The following ZNF574 variants were observed in gnomAD, a reference collection of about 807,000 sequenced individuals.
ZNF574 encodes the protein zinc finger protein 574.
Under a neutral mutation model 56.6 loss-of-function variants are expected in ZNF574, and 25 were observed. That is an observed-to-expected ratio of 0.44 (90% confidence interval 0.32 to 0.62). The LOEUF (loss-of-function observed/expected upper bound fraction) is 0.62. Ranked by LOEUF, ZNF574 falls within the 20% of genes least tolerant of loss-of-function variation. ZNF574 has a pLI of 0.04. For missense variants in ZNF574, 1,065 were observed against 1,218.9 expected, an observed-to-expected ratio of 0.87 and a Z score of 1.88; for synonymous variants, 543 against 492.1, an observed-to-expected ratio of 1.10 and a Z score of -1.37.
At position 42,081,060 on chromosome 19, in the gene ZNF574, C is replaced by T. The variant is rs61743360; in HGVS notation, c.2454C>T (p.Gly818=). Residue 818 remains glycine, a synonymous_variant, in exon 2 of 2, where the codon GGC becomes GGT. Coordinates refer to ENST00000359044, the MANE Select transcript of ZNF574 (RefSeq NM_022752.6). ...RLAEHRRIHT[G]ERPYSCPDCG... ...CAGAACATCGCCGCATCCACACAGG[C>T]GAACGACCCTACTCCTGCCCTGACT... 2.7e-5 allele frequency: 44 copies of T among 1,614,168 alleles called. No individual in the cohort carries two copies. The East Asian group carries it at 5.1e-4, about 19-fold the overall frequency.
rs1248077681 is a variant in ZNF574 at position 42,079,364 on chromosome 19, T to C, written c.758T>C (p.Val253Ala). The change falls in exon 2 of 2, where the codon GTG (valine) becomes GCG (alanine). Residue 253 changes from valine (V) to alanine (A), a missense_variant. Coordinates refer to ENST00000359044, the MANE Select transcript of ZNF574 (RefSeq NM_022752.6). The surrounding 1 kb of genome is among the most constrained non-coding windows in gnomAD (Gnocchi z 4.3). ...ESQEPALQQE[V>A]QASSPAEVPV... is the part of the protein sequence containing the mutation. ...CAGGAGCCTGCCTTACAGCAGGAGGTGCAGGCCTCGTCACCTGCAGAGGTG... is the reference window on the plus strand; with the variant it reads ...CAGGAGCCTGCCTTACAGCAGGAGGCGCAGGCCTCGTCACCTGCAGAGGTG... 6.2e-7 allele frequency: 1 copy of C among 1,613,614 alleles called. No individual in the cohort carries two copies. Among genetic ancestry groups the C allele is most frequent in the East Asian group, 2.2e-5 (1 of 44,864 alleles).
chr19:42,072,236 CTTT>C (rs1200141888), upstream of ZNF574, among the ~76,000 whole-genome samples: 8 of 135,162 alleles, frequency 5.9e-5, no homozygotes, highest in East Asian at 2.1e-4. Context: ...TTTTCCTTTT[CTTT>C]TTTTTTTTTT....
chr19:42,079,545 C>CTGTGGG lies in ZNF574; in HGVS notation c.943_944insGGTGTG (p.Cys314_Asp315insGlyCys). Reference sequence around the variant, plus strand: ...CCACACAGGAGCTCTTCTGCTCAGCCTGTGACCAGCTCTTTCTCTCACCCC... The same window carrying CTGTGGG: ...CCACACAGGAGCTCTTCTGCTCAGCCTGTGGGTGTGACCAGCTCTTTCTCTCACCCC... On this transcript the variant is annotated inframe_insertion, in exon 2 of 2. Coordinates refer to ENST00000359044, the MANE Select transcript of ZNF574 (RefSeq NM_022752.6). This position sits in a 1 kb window ranked among gnomAD's most constrained non-coding sequence, Gnocchi z 4.3. The CTGTGGG allele has an allele frequency of 6.2e-7, 1 of 1,614,078 alleles. No homozygotes were observed. Among genetic ancestry groups the CTGTGGG allele is most frequent in the Non-Finnish European group, 8.5e-7 (1 of 1,180,032 alleles).
At position 42,081,138 on chromosome 19, in the gene ZNF574, T is replaced by G. The variant is rs1447511140; in HGVS notation, c.2532T>G (p.His844Gln). 1.2e-6 allele frequency: 2 copies of G among 1,614,110 alleles called. No homozygotes were observed. Among genetic ancestry groups the G allele is most frequent in the Non-Finnish European group, 1.7e-6 (2 of 1,180,040 alleles). ...FSNLWKHRKT[H>Q]QQQHQAAVRQ... ...ACCTCTGGAAGCACCGCAAGACCCA[T>G]CAGCAGCAGCATCAGGCAGCTGTGC... The change falls in exon 2 of 2, where the codon CAT becomes CAG. Residue 844 changes from histidine to glutamine, a missense_variant. Transcript: ENST00000359044.
Position 42,078,924 on chromosome 19 carries a change from G to C in ZNF574, c.318G>C (p.Glu106Asp). The C allele has an allele frequency of 6.2e-7, 1 of 1,614,032 alleles. No homozygotes were observed. The highest frequency in any genetic ancestry group is 8.5e-7 in the Non-Finnish European group (1 of 1,179,948). ...ACCTGAAGATGATGGCACCCCAGGAGGCAGTGCCAGCTGAGCCATCACCTA... is the reference window on the plus strand; with the variant it reads ...ACCTGAAGATGATGGCACCCCAGGACGCAGTGCCAGCTGAGCCATCACCTA... ...ELHLKMMAPQ[E>D]AVPAEPSPKA... is the part of the protein sequence containing the mutation. The change falls in exon 2 of 2, where the codon GAG becomes GAC. Residue 106 changes from glutamate (E) to aspartate (D), a missense_variant. By Grantham distance (45) the Glu-to-Asp change is conservative. Coordinates refer to ENST00000359044, the MANE Select transcript of ZNF574 (RefSeq NM_022752.6).
At position 42,081,485 on chromosome 19, in the gene ZNF574, C is replaced by G. The variant is rs2076502299; in HGVS notation, c.*188C>G. 7.0e-6 allele frequency: 5 copies of G among 713,438 alleles called. 1 individual carries two copies. The South Asian group carries it at 8.9e-5, about 13-fold the overall frequency. 44.2% of individuals were successfully genotyped at this position (713,438 alleles called of 1,614,324 possible). On this transcript the variant is annotated 3_prime_UTR_variant, in exon 2 of 2. Coordinates refer to ENST00000359044, the MANE Select transcript of ZNF574 (RefSeq NM_022752.6). Reference sequence around the variant, plus strand: ...CCTTGACACACATAAAGGTGCCCCCCCACCTTCCACCTCTTAGCACTGGTG... The same window carrying G: ...CCTTGACACACATAAAGGTGCCCCCGCACCTTCCACCTCTTAGCACTGGTG...
upstream of ZNF574, among the ~76,000 whole-genome samples, chr19:42,072,265 C>T (rs187667018): frequency 8.1e-5 from 11 of 136,450 alleles, no homozygotes; most frequent in Non-Finnish European, 1.5e-4. Context: ...GATGGAGTCT[C>T]GCTCTGTTGT....
chr19:42,076,639 A>C (rs2076457952), intron 1 of ZNF574, among the ~76,000 whole-genome samples: 3 of 152,208 alleles, frequency 2.0e-5, no homozygotes, highest in Non-Finnish European at 4.4e-5. Flanking sequence ...TGGCAAGTCC[A>C]GGACGAAGGG....
In ZNF574 at chr19:42,081,486, C is replaced by A. The variant is rs955245265; in HGVS notation, c.*189C>A. ...CTTGACACACATAAAGGTGCCCCCC[C>A]ACCTTCCACCTCTTAGCACTGGTGA... On this transcript the variant is annotated 3_prime_UTR_variant, in exon 2 of 2. Coordinates refer to ENST00000359044, the MANE Select transcript of ZNF574 (RefSeq NM_022752.6). The A allele has an allele frequency of 3.5e-5, 25 of 714,664 alleles. No individual in the cohort carries two copies. Among genetic ancestry groups the A allele is most frequent in the African/African-American group, 5.3e-5 (3 of 56,410 alleles). 44.3% of individuals were successfully genotyped at this position (714,664 alleles called of 1,614,324 possible).
chr19:42,069,961 AG>A (rs377219748), intron 1 of ZNF574, among the ~76,000 whole-genome samples: 151 of 151,866 alleles, frequency 9.9e-4, no homozygotes, highest in African/African-American at 3.5e-3. Flanking sequence ...AGGAGGATGG[AG>A]AGGAGCAGGT....
In ZNF574 at chr19:42,078,893, A is replaced by G; in HGVS notation, c.287A>G (p.Glu96Gly). 1 of 1,613,560 alleles carries G rather than the reference A, an allele frequency of 6.2e-7. No individual in the cohort carries two copies. The highest frequency in any genetic ancestry group is 8.5e-7 in the Non-Finnish European group (1 of 1,179,836). Residue 96 changes from glutamate (E) to glycine (G), a missense_variant, in exon 2 of 2, where the codon GAG (glutamate) becomes GGG (glycine). Coordinates refer to ENST00000359044, the MANE Select transcript of ZNF574 (RefSeq NM_022752.6). Reference sequence around the variant, plus strand: ...CCCAGCCAGCTCCTGGAGCACCAGGAGCTGCACCTGAAGATGATGGCACCC... The same window carrying G: ...CCCAGCCAGCTCCTGGAGCACCAGGGGCTGCACCTGAAGATGATGGCACCC... ...MSPSQLLEHQ[E>G]LHLKMMAPQE...
intron 1 of ZNF574, 141 bp downstream of exon 1, chr19:42,076,427 C>T (rs2076456220): frequency 6.6e-6 from 1 of 151,882 alleles, no homozygotes; most frequent in Non-Finnish European, 1.5e-5. Context: ...AACGGCCGAC[C>T]CGGCGCGCGG....
chr19:42,076,289 G>T lies in ZNF574; in HGVS notation c.-21+3G>T, dbSNP rs952981030. ...GGCGTGCGAGACGGCGGAAGCAGGT[G>T]AGCGCGAGCGGGCGCGCAGAGGCCG... On this transcript the variant is annotated splice_donor_region_variant and intron_variant, in intron 1 of 1. Transcript: ENST00000359044. The T allele has an allele frequency of 6.6e-6, 1 of 152,150 alleles. No individual in the cohort carries two copies. The highest frequency in any genetic ancestry group is 1.5e-5 in the Non-Finnish European group (1 of 68,050). The allele number at this position is 152,150 out of a possible 1,614,324, so 9.4% of individuals were successfully genotyped here.
At position 42,068,619 on chromosome 19, in the gene ZNF574, AAG is replaced by A. The variant is rs577303763; in HGVS notation, c.-89_-88del. ...CAGGTGAGCGGAGGCACAGAATAGAAAGAGAAATGGAAAGAGACCTGCCGAGG... is the reference window on the plus strand; with the variant it reads ...CAGGTGAGCGGAGGCACAGAATAGAAAGAAATGGAAAGAGACCTGCCGAGG... On this transcript the variant is annotated 5_prime_UTR_variant, in exon 1 of 2. Transcript: ENST00000222339. The A allele has an allele frequency of 5.9e-4, 249 of 424,644 alleles. 1 individual carries two copies. The highest frequency in any genetic ancestry group is 3.7e-3 in the Middle Eastern group (10 of 2,676). 26.3% of individuals were successfully genotyped at this position (424,644 alleles called of 1,614,324 possible). A position where few individuals can be genotyped will look rare whatever the true frequency, so the allele number is the denominator to read the frequency against.
At chr19:42,076,031 G>A (rs1246154425), upstream of ZNF574, 3 of 152,322 alleles carry the variant, frequency 2.0e-5, no homozygotes, top group African/African-American at 7.2e-5. Context: ...CTCACTATTG[G>A]CCCAAGCCTC....
At position 42,068,512 on chromosome 19, in the gene ZNF574, A is replaced by C. The variant is rs1422491809; in HGVS notation, c.-200A>C. On this transcript the variant is annotated 5_prime_UTR_variant, in exon 1 of 2. Coordinates refer to the ZNF574 transcript ENST00000222339. ...GGAGGGACTGAGGAGCCGGGCACCC[A>C]GAGTGGATCTGGGGGAAAGAGGTGG... 11 of 386,014 alleles carry C rather than the reference A, an allele frequency of 2.8e-5. 1 individual carries two copies. The highest frequency in any genetic ancestry group is 5.0e-5 in the Non-Finnish European group (11 of 218,096). 23.9% of individuals were successfully genotyped at this position (386,014 alleles called of 1,614,324 possible).
intron 1 of ZNF574, among the ~76,000 whole-genome samples, chr19:42,070,204 A>G (rs988138312): frequency 3.1e-4 from 47 of 151,388 alleles, no homozygotes; most frequent in African/African-American, 1.1e-3. Flanking sequence ...CCTGGAGCGC[A>G]GTGGGGTGGT....
chr19:42,079,822 T>C lies in ZNF574; in HGVS notation c.1216T>C (p.Phe406Leu). ...GAAGACCTTTGTCAACCTTACCAAG[T>C]TCCTTTATCACCGGCGTACTCATGG... ...CGKTFVNLTK[F>L]LYHRRTHGVG... is the part of the protein sequence containing the mutation. Residue 406 changes from phenylalanine to leucine, a missense_variant, in exon 2 of 2, where the codon TTC becomes CTC. Phe to Leu is a conservative substitution (Grantham distance 22). Transcript: ENST00000359044. The surrounding 1 kb of genome is among the most constrained non-coding windows in gnomAD (Gnocchi z 4.3). 1.2e-6 allele frequency: 2 copies of C among 1,614,096 alleles called. No homozygotes were observed. The highest frequency in any genetic ancestry group is 1.7e-6 in the Non-Finnish European group (2 of 1,180,004).
In ZNF574 at chr19:42,080,049, G is replaced by C; in HGVS notation, c.1443G>C (p.Leu481=). The part of the protein sequence containing the change: ...CSREFGKALQ[L]TRHQRFVHRL... The stretch of plus-strand genomic sequence containing the variant: ...GTGAATTTGGAAAGGCCTTGCAGCT[G>C]ACCCGGCACCAACGTTTTGTGCATC... The change falls in exon 2 of 2, where the codon CTG becomes CTC. Residue 481 remains leucine (L), a synonymous_variant. Transcript: ENST00000359044. The surrounding 1 kb of genome is among the most constrained non-coding windows in gnomAD (Gnocchi z 8.5). The C allele has an allele frequency of 6.2e-7, 1 of 1,614,138 alleles. No homozygotes were observed. Among genetic ancestry groups the C allele is most frequent in the Non-Finnish European group, 8.5e-7 (1 of 1,180,030 alleles).
Sources: gnomAD v4.1 joint callset for allele counts (sites outside exome capture counted in the v4.1 genomes callset) on GRCh38, gnomAD v4.1.1 for gene constraint, Gnocchi (gnomAD v3.1) non-coding constraint, MANE v1.5 for transcripts, NCBI Gene and HGNC (gene_info 2026-07-23, HGNC 2026-07-21) for gene names.